SRGAP1: variants seen among roughly 807,000 people sequenced by gnomAD.
SRGAP1 encodes SLIT-ROBO Rho GTPase-activating protein 1.
SRGAP1 carries 43 observed loss-of-function variants against 121.9 expected under a neutral mutation model. The ratio of observed to expected loss-of-function variants is 0.35; its 90% CI spans 0.28 to 0.46. The LOEUF is 0.46. SRGAP1 is among the 20% of genes least tolerant of loss of function. The pLI, the probability that SRGAP1 is intolerant of heterozygous loss-of-function variation, is 1.00. For synonymous variants in SRGAP1, 447 were observed against 485.4 expected (o/e 0.92, Z 1.04); for missense variants, 1,102 against 1,350.9 (o/e 0.82, Z 2.89).
chr12:63,935,862 A>G (rs1005493823), intron 1 of SRGAP1, among the ~76,000 whole-genome samples: 1 of 152,204 alleles, frequency 6.6e-6, no homozygotes, highest in Admixed American at 6.5e-5. Flanking sequence ...GGAAAGAAAC[A>G]TGGAGAATTC....
intron 12 of SRGAP1, among the ~76,000 whole-genome samples, chr12:64,093,999 TA>T (rs923198074): frequency 6.6e-6 from 1 of 152,166 alleles, no homozygotes; most frequent in Non-Finnish European, 1.5e-5. Context: ...CATTTCAAAA[TA>T]AAATTCCTCA....
intron 21 of SRGAP1, among the ~76,000 whole-genome samples, chr12:64,134,198 G>C (rs2036825837): frequency 6.6e-6 from 1 of 152,048 alleles, no homozygotes; most frequent in South Asian, 2.1e-4. Flanking sequence ...AAGGCAGGCA[G>C]ATCACGGGGT....
At chr12:64,032,011 A>G (rs2034792026) in intron 4 of SRGAP1, among the ~76,000 whole-genome samples, 1 of 152,238 alleles carries the variant, frequency 6.6e-6, no homozygotes, top group South Asian at 2.1e-4. Context: ...TACTAGGGGC[A>G]AAATCTCAAT....
At chr12:63,862,733 C>T (rs1439425640) in intron 1 of SRGAP1, among the ~76,000 whole-genome samples, 1 of 152,138 alleles carries the variant, frequency 6.6e-6, no homozygotes, top group Non-Finnish European at 1.5e-5. Flanking sequence ...TATGTAATGG[C>T]GCTGTGTATT....
chr12:63,892,596 A>C (rs1047398576), intron 1 of SRGAP1, among the ~76,000 whole-genome samples: 1 of 151,964 alleles, frequency 6.6e-6, no homozygotes, highest in Non-Finnish European at 1.5e-5. Context: ...TGTGAGTTAC[A>C]GTATGGGAAG....
intron 1 of SRGAP1, among the ~76,000 whole-genome samples, chr12:63,883,466 C>A (rs1344417829): frequency 1.3e-5 from 2 of 152,116 alleles, no homozygotes. Flanking sequence ...GTTGTTATGA[C>A]CAAACGCCTT....
At chr12:63,984,664 T>G (rs939591629) in intron 2 of SRGAP1, among the ~76,000 whole-genome samples, 2 of 152,196 alleles carry the variant, frequency 1.3e-5, no homozygotes, top group African/African-American at 4.8e-5. Flanking sequence ...TATGATTTAT[T>G]TGCTTTAAAA....
At chr12:64,063,940 T>G (rs146864524) in intron 7 of SRGAP1, among the ~76,000 whole-genome samples, 5 of 151,578 alleles carry the variant, frequency 3.3e-5, no homozygotes, top group African/African-American at 9.7e-5. Flanking sequence ...TGTTTTTATA[T>G]ATATTTTATA....
At chr12:63,941,518 T>C (rs771121543) in intron 1 of SRGAP1, among the ~76,000 whole-genome samples, 2 of 152,216 alleles carry the variant, frequency 1.3e-5, no homozygotes, top group Non-Finnish European at 2.9e-5. Flanking sequence ...CATGGTTTTC[T>C]CTAAAATTGT....
intron 1 of SRGAP1, among the ~76,000 whole-genome samples, chr12:63,886,259 A>T (rs1900377879): frequency 6.6e-6 from 1 of 152,022 alleles, no homozygotes; most frequent in Admixed American, 6.5e-5. Context: ...ATGGGGTTTA[A>T]CCATGTTGGC....
intron 15 of SRGAP1, 36 bp downstream of exon 15, chr12:64,097,411 A>G (rs747087922): frequency 6.2e-7 from 1 of 1,607,094 alleles, no homozygotes; most frequent in Admixed American, 1.7e-5. Flanking sequence ...TCCCACAAGA[A>G]TTATTTCACT....
chr12:63,920,249 G>C (rs143242657), intron 1 of SRGAP1, among the ~76,000 whole-genome samples: 1 of 152,180 alleles, frequency 6.6e-6, no homozygotes, highest in East Asian at 1.9e-4. Flanking sequence ...GATAACTATT[G>C]AGATATAGCC....
At chr12:64,075,925 A>AAC (rs200199714) in intron 8 of SRGAP1, among the ~76,000 whole-genome samples, 17,950 of 152,086 alleles carry the variant, frequency 0.12, 1,282 homozygotes, top group South Asian at 0.31. Context: ...TGTTCAAAAA[A>AAC]AAAAAAAAGT....
At chr12:63,977,597 A>AT (rs2033126785) in intron 1 of SRGAP1, among the ~76,000 whole-genome samples, 2 of 152,010 alleles carry the variant, frequency 1.3e-5, no homozygotes, top group African/African-American at 4.8e-5. Flanking sequence ...ACATTCCTTC[A>AT]TTTCGTCTGT....
intron 1 of SRGAP1, among the ~76,000 whole-genome samples, chr12:63,869,359 G>A (rs1367284505): frequency 6.6e-6 from 1 of 152,184 alleles, no homozygotes; most frequent in Non-Finnish European, 1.5e-5. Flanking sequence ...ACCCCTCATG[G>A]TCTGATCACC....
At chr12:64,054,010 C>T (rs1408936526) in intron 6 of SRGAP1, among the ~76,000 whole-genome samples, 1 of 152,110 alleles carries the variant, frequency 6.6e-6, no homozygotes, top group East Asian at 1.9e-4. Flanking sequence ...GATAATGTAG[C>T]CTCTTCCAGT....
intron 1 of SRGAP1, among the ~76,000 whole-genome samples, chr12:63,930,833 G>A (rs1470112763): frequency 6.6e-6 from 1 of 152,128 alleles, no homozygotes; most frequent in African/African-American, 2.4e-5. Context: ...GGTTATTATT[G>A]CAAAGCTATT....
chr12:63,845,092 G>A (rs1898854797), intron 1 of SRGAP1, among the ~76,000 whole-genome samples: 1 of 152,166 alleles, frequency 6.6e-6, no homozygotes, highest in African/African-American at 2.4e-5. Context: ...TGGAAACTGG[G>A]TGACTTCCCC....
At chr12:63,894,536 A>T (rs993077124) in intron 1 of SRGAP1, among the ~76,000 whole-genome samples, 1 of 151,124 alleles carries the variant, frequency 6.6e-6, no homozygotes, top group African/African-American at 2.4e-5. Context: ...GGTTTGTTAC[A>T]TATGTATATA....
Sources: allele counts gnomAD v4.1 joint callset (sites outside exome capture counted in the v4.1 genomes callset), GRCh38; gene constraint gnomAD v4.1.1; transcripts MANE v1.5; gene names NCBI Gene and HGNC (gene_info 2026-07-23, HGNC 2026-07-21).